The following UBAP1 variants were observed in gnomAD, a reference collection of about 807,000 sequenced individuals.
UBAP1 encodes ubiquitin associated protein 1.
In UBAP1, 5 loss-of-function variants were observed where a neutral mutation model predicts 39.0. That is an observed-to-expected ratio of 0.13 (90% CI 0.07 to 0.27). UBAP1 has a LOEUF of 0.27. UBAP1 is among the 10% of genes least tolerant of loss of function. The pLI is 1.00. For synonymous variants in UBAP1, 211 were observed against 225.1 expected (o/e 0.94, Z 0.56); for missense variants, 490 against 608.1 (o/e 0.81, Z 2.04).
intron 1 of UBAP1, among the ~76,000 whole-genome samples, chr9:34,209,291 C>G (rs1321653403): frequency 6.6e-6 from 1 of 152,068 alleles, no homozygotes; most frequent in Non-Finnish European, 1.5e-5. Flanking sequence ...TCTTTGTGTC[C>G]TAATATTTAC....
At position 34,241,765 on chromosome 9, in the gene UBAP1, C is replaced by T. The variant is rs761921157; in HGVS notation, c.740C>T (p.Ser247Leu). 6.2e-7 allele frequency: 1 copy of T among 1,614,080 alleles called. No individual in the cohort carries two copies. The highest frequency in any genetic ancestry group is 1.1e-5 in the South Asian group (1 of 91,084). The change falls in exon 4 of 7, where the codon TCA becomes TTA. Residue 247 changes from serine to leucine, a missense_variant. By Grantham distance (145) the Ser-to-Leu change is moderately radical. Coordinates refer to ENST00000297661, the MANE Select transcript of UBAP1 (RefSeq NM_016525.5). ...CAGTTGGGCAACTGTGAAAAGATGTCACTGTCTTCCAAAGTGTCCCTCCCC... is the reference window on the plus strand; with the variant it reads ...CAGTTGGGCAACTGTGAAAAGATGTTACTGTCTTCCAAAGTGTCCCTCCCC... Reference protein sequence around the residue: ...LPQLGNCEKMSLSSKVSLPPI... With the variant: ...LPQLGNCEKMLLSSKVSLPPI...
At chr9:34,186,937 C>A (rs1179394259) in intron 1 of UBAP1, among the ~76,000 whole-genome samples, 2 of 151,376 alleles carry the variant, frequency 1.3e-5, no homozygotes, top group East Asian at 3.9e-4. Context: ...GATGGAGTTT[C>A]GCTCTTGTTG....
At chr9:34,235,256 A>G (rs917791749) in intron 3 of UBAP1, among the ~76,000 whole-genome samples, 4 of 152,018 alleles carry the variant, frequency 2.6e-5, no homozygotes, top group Admixed American at 6.6e-5. Flanking sequence ...AGTTAGAGTT[A>G]TTATTTAGAG....
chr9:34,215,663 C>T (rs1475628567), intron 1 of UBAP1, among the ~76,000 whole-genome samples: 1 of 151,440 alleles, frequency 6.6e-6, no homozygotes, highest in Admixed American at 6.6e-5. Context: ...CCACCTGTAC[C>T]CCAATAACTT....
chr9:34,238,533 T>G (rs1247305104), intron 3 of UBAP1, among the ~76,000 whole-genome samples: 1 of 152,240 alleles, frequency 6.6e-6, no homozygotes, highest in Non-Finnish European at 1.5e-5. Flanking sequence ...ATTAACTCGT[T>G]TTCATTATAT....
At position 34,251,892 on chromosome 9, in the gene UBAP1, C is replaced by T. The variant is rs540835668; in HGVS notation, c.*360C>T. 5.4e-3 allele frequency: 853 copies of T among 158,804 alleles called. 1 individual carries two copies. The highest frequency in any genetic ancestry group is 9.1e-3 in the Non-Finnish European group (668 of 73,028). The allele number at this position is 158,804 out of a possible 1,614,324, so 9.8% of individuals were successfully genotyped here. On this transcript the variant is annotated 3_prime_UTR_variant, in exon 7 of 7. Transcript: ENST00000297661. ...GCTGAGAGGGGCTGGGGAGATGGGG[C>T]GGGAGGGCCAGACTCAGTGCTGCTG... is the stretch of plus-strand genomic sequence containing the variant.
chr9:34,211,414 A>G (rs903962919), intron 1 of UBAP1, among the ~76,000 whole-genome samples: 5 of 152,192 alleles, frequency 3.3e-5, no homozygotes, highest in Non-Finnish European at 7.3e-5. Flanking sequence ...TGTAAATTAG[A>G]TAATTTCCTG....
intron 1 of UBAP1, among the ~76,000 whole-genome samples, chr9:34,181,182 T>A (rs1830010446): frequency 7.6e-6 from 1 of 132,372 alleles, no homozygotes; most frequent in Admixed American, 8.9e-5. Flanking sequence ...TGGCGCAATC[T>A]CAGCTCACTG....
At chr9:34,179,711 G>A (rs1248940529) in intron 1 of UBAP1, among the ~76,000 whole-genome samples, 1 of 152,110 alleles carries the variant, frequency 6.6e-6, no homozygotes, top group Non-Finnish European at 1.5e-5. Context: ...AGAGGTGAGT[G>A]ATCTTTGGGG....
intron 1 of UBAP1, among the ~76,000 whole-genome samples, chr9:34,215,770 T>TA (rs1832277831): frequency 6.6e-6 from 1 of 151,666 alleles, no homozygotes; most frequent in Non-Finnish European, 1.5e-5. Flanking sequence ...CACACACACA[T>TA]ACATGTATGT....
chr9:34,210,695 G>A (rs1288446969), intron 1 of UBAP1, among the ~76,000 whole-genome samples: 1 of 150,584 alleles, frequency 6.6e-6, no homozygotes, highest in African/African-American at 2.4e-5. Flanking sequence ...ACTCCAGCCT[G>A]AGTGACAGAG....
intron 2 of UBAP1, among the ~76,000 whole-genome samples, chr9:34,230,138 A>G (rs1833331323): frequency 1.3e-5 from 2 of 152,080 alleles, no homozygotes; most frequent in Non-Finnish European, 2.9e-5. Flanking sequence ...ATCTCAGCTC[A>G]CTGCAACTTC....
At chr9:34,247,661 T>C (rs952831541) in intron 4 of UBAP1, among the ~76,000 whole-genome samples, 1 of 152,096 alleles carries the variant, frequency 6.6e-6, no homozygotes, top group Non-Finnish European at 1.5e-5. Context: ...CGACCTCAGG[T>C]GGTCTGCCTG....
chr9:34,224,735 A>T, intron 2 of UBAP1: 1 of 231,290 alleles, frequency 4.3e-6, no homozygotes, highest in Non-Finnish European at 8.5e-6. Context: ...TAGATGGAGA[A>T]TATTTAATAG....
At chr9:34,210,357 C>T (rs1179882658) in intron 1 of UBAP1, among the ~76,000 whole-genome samples, 1 of 152,170 alleles carries the variant, frequency 6.6e-6, no homozygotes, top group Non-Finnish European at 1.5e-5. Flanking sequence ...AAATTGAATT[C>T]AGTCTTCACA....
chr9:34,236,357 C>A (rs1833701115), intron 3 of UBAP1, among the ~76,000 whole-genome samples: 1 of 152,152 alleles, frequency 6.6e-6, no homozygotes, highest in African/African-American at 2.4e-5. Flanking sequence ...GCTGTACCAT[C>A]TAGGTTTGTG....
At chr9:34,250,105 G>A in intron 5 of UBAP1, 144 bp downstream of exon 5, 1 of 834,120 alleles carries the variant, frequency 1.2e-6, no homozygotes, top group Non-Finnish European at 1.8e-6. Context: ...TTTGGGGAAA[G>A]CCAGCAGCCT....
chr9:34,250,021 C>G (rs1349952069), intron 5 of UBAP1, 60 bp downstream of exon 5: 23 of 1,572,100 alleles, frequency 1.5e-5, no homozygotes, highest in African/African-American at 2.7e-5. Flanking sequence ...GTAGTGTCCT[C>G]CCCTGTCCTA....
rs1238795785 is a variant in UBAP1, at chr9:34,241,606, A to G, written c.581A>G (p.Gln194Arg). 6.2e-7 allele frequency: 1 copy of G among 1,614,204 alleles called. No individual in the cohort carries two copies. Among genetic ancestry groups the G allele is most frequent in the South Asian group, 1.1e-5 (1 of 91,086 alleles). The change falls in exon 4 of 7, where the codon CAG becomes CGG. Residue 194 changes from glutamine to arginine, a missense_variant. Physicochemically the swap from Gln to Arg is conservative, Grantham distance 43. This residue lies in a region of UBAP1 where 339 missense variants were observed against 390.0 expected (regional missense o/e 0.87). Coordinates refer to ENST00000297661, the MANE Select transcript of UBAP1 (RefSeq NM_016525.5). The part of the protein sequence containing the change: ...LVGTTGPIMA[Q>R]LLDNNLPRGG... ...GGAACCACTGGACCCATTATGGCTC[A>G]GTTATTGGACAATAACTTGCCCAGG... is the stretch of plus-strand genomic sequence containing the variant.
Sources: allele counts gnomAD v4.1 joint callset (sites outside exome capture counted in the v4.1 genomes callset), GRCh38; gene constraint gnomAD v4.1.1; regional missense constraint gnomAD v4.1.1; transcripts MANE v1.5; gene names NCBI Gene and HGNC (gene_info 2026-07-23, HGNC 2026-07-21).